UBA2: variants seen among roughly 807,000 people sequenced by gnomAD.
UBA2 encodes the protein SUMO-activating enzyme subunit 2.
UBA2 carries 11 observed loss-of-function variants against 77.2 expected under a neutral mutation model. The observed-to-expected ratio is 0.14, with a 90% confidence interval of 0.09 to 0.24. UBA2 has a LOEUF of 0.24. UBA2 is among the 10% of genes least tolerant of loss of function. The pLI is 1.00. For synonymous variants in UBA2, 278 were observed against 276.7 expected, an observed-to-expected ratio of 1.00 and a Z score of -0.05; for missense variants, 487 against 781.7, an observed-to-expected ratio of 0.62 and a Z score of 4.50.
At position 34,428,394 on chromosome 19, in the gene UBA2, CCCGCCT is replaced by C; in HGVS notation, c.-27_-22del. On this transcript the variant is annotated 5_prime_UTR_variant, in exon 1 of 17. Coordinates refer to ENST00000246548, the MANE Select transcript of UBA2 (RefSeq NM_005499.3). Reference sequence around the variant, plus strand: ...CCGCTTCCGGCCGCGGCTCGGTTCTCCCGCCTCCGCCTCCGCCGCGGCTCGTGGTTG... The same window carrying C: ...CCGCTTCCGGCCGCGGCTCGGTTCTCCCGCCTCCGCCGCGGCTCGTGGTTG... The C allele has an allele frequency of 8.1e-7, 1 of 1,234,916 alleles. No homozygotes were observed. Among genetic ancestry groups the C allele is most frequent in the Non-Finnish European group, 1.0e-6 (1 of 988,328 alleles). 76.5% of individuals were successfully genotyped at this position (1,234,916 alleles called of 1,614,324 possible).
chr19:34,432,769 G>T (rs1315361656), intron 3 of UBA2, among the ~76,000 whole-genome samples: 12 of 152,274 alleles, frequency 7.9e-5, no homozygotes, highest in African/African-American at 2.4e-4. Flanking sequence ...TGGCCAGGCT[G>T]GTCTCAAACT....
chr19:34,459,070 T>C, intron 13 of UBA2, 146 bp downstream of exon 13: 1 of 828,384 alleles, frequency 1.2e-6, no homozygotes. Flanking sequence ...TCTGGATTCC[T>C]GCAGGCTTTT....
chr19:34,466,631 C>T (rs910419499), intron 15 of UBA2, among the ~76,000 whole-genome samples: 4 of 152,074 alleles, frequency 2.6e-5, no homozygotes, highest in South Asian at 2.1e-4. Context: ...GGTTGGCTCA[C>T]GCCTGTAATC....
chr19:34,459,162 G>A (rs950168611), intron 13 of UBA2, among the ~76,000 whole-genome samples: 13 of 152,158 alleles, frequency 8.5e-5, no homozygotes, highest in African/African-American at 3.1e-4. Context: ...CACAGTGGTG[G>A]CACAGTATCA....
At chr19:34,446,761 T>C (rs1404822997) in intron 8 of UBA2, among the ~76,000 whole-genome samples, 1 of 151,968 alleles carries the variant, frequency 6.6e-6, no homozygotes, top group Non-Finnish European at 1.5e-5. Flanking sequence ...GGTCCGCCAC[T>C]ATGCCTGGCT....
intron 14 of UBA2, among the ~76,000 whole-genome samples, chr19:34,462,679 A>C (rs2075644529): frequency 6.6e-6 from 1 of 152,070 alleles, no homozygotes; most frequent in Admixed American, 6.5e-5. Context: ...TTATATAGAA[A>C]ATTGGGCTTG....
At chr19:34,449,824 A>G (rs2075473217) in intron 8 of UBA2, among the ~76,000 whole-genome samples, 1 of 152,094 alleles carries the variant, frequency 6.6e-6, no homozygotes, top group Admixed American at 6.6e-5. Flanking sequence ...AAATCTGTAT[A>G]CTTTGTGTGC....
intron 12 of UBA2, among the ~76,000 whole-genome samples, chr19:34,457,177 AAAATATATAT>A (rs1490765353): frequency 1.3e-4 from 9 of 68,506 alleles, no homozygotes; most frequent in Non-Finnish European, 1.7e-4. Flanking sequence ...AAAAAAAAAA[AAAATATATAT>A]ATATATATAT....
chr19:34,441,702 C>G (rs2075371248), intron 6 of UBA2, among the ~76,000 whole-genome samples: 1 of 152,068 alleles, frequency 6.6e-6, no homozygotes, highest in Non-Finnish European at 1.5e-5. Context: ...GGGTGAATCA[C>G]TTGAGGCCAG....
intron 10 of UBA2, among the ~76,000 whole-genome samples, chr19:34,452,434 T>G (rs2075511739): frequency 6.6e-6 from 1 of 152,202 alleles, no homozygotes; most frequent in African/African-American, 2.4e-5. Context: ...ATGTTTCTTG[T>G]GTAGAGTAGA....
chr19:34,443,943 G>C lies in UBA2; in HGVS notation c.649+32G>C, dbSNP rs375895040. Reference sequence around the variant, plus strand: ...AAATTATTTGGCATATGTTTTATCAGATACTATTATCTTTATTTTGTTGAT... The same window carrying C: ...AAATTATTTGGCATATGTTTTATCACATACTATTATCTTTATTTTGTTGAT... On this transcript the variant is annotated intron_variant, in intron 7 of 16. Coordinates refer to ENST00000246548, the MANE Select transcript of UBA2 (RefSeq NM_005499.3). 2.8e-5 allele frequency: 40 copies of C among 1,432,300 alleles called. No individual in the cohort carries two copies. The African/African-American group carries it at 5.5e-4, about 20-fold the overall frequency. 88.7% of individuals were successfully genotyped at this position (1,432,300 alleles called of 1,614,324 possible). A position where few individuals can be genotyped will look rare whatever the true frequency, so the allele number is the denominator to read the frequency against.
At chr19:34,462,975 T>C (rs2075647931) in intron 14 of UBA2, among the ~76,000 whole-genome samples, 2 of 152,016 alleles carry the variant, frequency 1.3e-5, no homozygotes, top group Non-Finnish European at 2.9e-5. Context: ...GGGGTGCATT[T>C]AATCCCAGCT....
intron 12 of UBA2, among the ~76,000 whole-genome samples, chr19:34,456,100 C>CTTTTCTTTTTTTTTTTT (rs2075557152): frequency 3.6e-5 from 2 of 55,780 alleles, no homozygotes; most frequent in African/African-American, 7.2e-5. Context: ...TTTTCCTTTT[C>CTTTTCTTTTTTTTTTTT]TTTTTCTTTT....
intron 14 of UBA2, among the ~76,000 whole-genome samples, chr19:34,461,902 C>G (rs1293886126): frequency 1.3e-5 from 2 of 152,104 alleles, no homozygotes; most frequent in African/African-American, 2.4e-5. Context: ...AGGGAGTACT[C>G]TTGGGTCAGT....
chr19:34,457,176 AAAAATATATATATATATATAT>A (rs2075573831), intron 12 of UBA2, among the ~76,000 whole-genome samples: 1 of 100,196 alleles, frequency 1.0e-5, no homozygotes. Context: ...TAAAAAAAAA[AAAAATATATATATATATATAT>A]ATATATATAT....
At position 34,469,127 on chromosome 19, in the gene UBA2, G is replaced by T; in HGVS notation, c.1829G>T (p.Arg610Leu). 1 of 1,613,502 alleles carries T rather than the reference G, an allele frequency of 6.2e-7. No homozygotes were observed. ...NADVSEEERSRKRKLDEKENL... is the reference protein window; with the variant it reads ...NADVSEEERSLKRKLDEKENL... ...GACGTCAGTGAAGAAGAGAGAAGCC[G>T]CAAGAGGAAATTAGATGAGAAAGAG... Residue 610 changes from arginine to leucine, a missense_variant, in exon 17 of 17, where the codon CGC (arginine) becomes CTC (leucine). Transcript: ENST00000246548.
intron 6 of UBA2, among the ~76,000 whole-genome samples, chr19:34,440,585 A>G (rs977307571): frequency 2.0e-5 from 3 of 152,156 alleles, no homozygotes; most frequent in African/African-American, 7.2e-5. Context: ...AACAATTGCT[A>G]GTCAGTCTCA....
chr19:34,432,766 G>A (rs774173636), intron 3 of UBA2, among the ~76,000 whole-genome samples: 1 of 152,178 alleles, frequency 6.6e-6, no homozygotes, highest in Admixed American at 6.5e-5. Context: ...TGTTGGCCAG[G>A]CTGGTCTCAA....
intron 13 of UBA2, among the ~76,000 whole-genome samples, chr19:34,459,228 A>AT (rs1172508490): frequency 1.3e-5 from 2 of 152,108 alleles, no homozygotes; most frequent in African/African-American, 2.4e-5. Context: ...TAAATTCTGT[A>AT]TTTTTTGACA....
Sources: gnomAD v4.1 joint callset for allele counts (sites outside exome capture counted in the v4.1 genomes callset) on GRCh38, gnomAD v4.1.1 for gene constraint, MANE v1.5 for transcripts, NCBI Gene and HGNC (gene_info 2026-07-23, HGNC 2026-07-21) for gene names.